SDE2: variants seen among roughly 807,000 people sequenced by gnomAD.
The protein encoded by SDE2 is splicing regulator SDE2.
In SDE2, 31 loss-of-function variants were observed where a neutral mutation model predicts 46.9. That is an observed-to-expected ratio of 0.66 (90% CI 0.50 to 0.89). SDE2 has a LOEUF of 0.89. SDE2 is among the 40% of genes least tolerant of loss of function. The pLI, the probability that SDE2 is intolerant of heterozygous loss-of-function variation, is 0.00. For missense variants in SDE2, 542 were observed against 564.4 expected, an observed-to-expected ratio of 0.96 and a Z score of 0.40; for synonymous variants, 205 against 204.3, an observed-to-expected ratio of 1.00 and a Z score of -0.03.
At position 225,999,193 on chromosome 1, in the gene SDE2, C is replaced by T; in HGVS notation, c.120G>A (p.Gln40=). ...RDFIHRHCQD[Q]NVPVENFFVK... ...TCCTAACAGGAACCGAAATCCTCACCTGATCTTGGCAGTGCCGGTGGATAA... is the reference window on the plus strand; with the variant it reads ...TCCTAACAGGAACCGAAATCCTCACTTGATCTTGGCAGTGCCGGTGGATAA... Residue 40 remains glutamine, a splice_region_variant and synonymous_variant, in exon 1 of 7, where the codon CAG becomes CAA. Transcript: ENST00000272091. 1 of 1,610,830 alleles carries T rather than the reference C, an allele frequency of 6.2e-7. No homozygotes were observed. The highest frequency in any genetic ancestry group is 8.5e-7 in the Non-Finnish European group (1 of 1,177,714).
rs558749749 is a variant in SDE2 at position 225,991,268 on chromosome 1, T to C, written c.616A>G (p.Ser206Gly). ...CAGAAGCATCTCCTCTTTCCCGCAC[T>C]GGCTCCTCTGTCTGTTTGAGATTTA... is the stretch of plus-strand genomic sequence containing the variant. ...PTKSQTDRGASAGKRRCFWLG... is the reference protein window; with the variant it reads ...PTKSQTDRGAGAGKRRCFWLG... Residue 206 changes from serine to glycine, a missense_variant, in exon 5 of 7, where the codon AGT (serine) becomes GGT (glycine). Coordinates refer to ENST00000272091, the MANE Select transcript of SDE2 (RefSeq NM_152608.4). 6.2e-7 allele frequency: 1 copy of C among 1,613,952 alleles called. No individual in the cohort carries two copies. Among genetic ancestry groups the C allele is most frequent in the African/African-American group, 1.3e-5 (1 of 75,062 alleles).
chr1:225,986,248 A>C (rs1388037749), intron 6 of SDE2, among the ~76,000 whole-genome samples: 1 of 151,872 alleles, frequency 6.6e-6, no homozygotes, highest in Non-Finnish European at 1.5e-5. Context: ...TGGGAGACTG[A>C]GGCAGGAGAA....
chr1:225,987,130 C>T (rs1442063252), intron 6 of SDE2, among the ~76,000 whole-genome samples: 1 of 152,226 alleles, frequency 6.6e-6, no homozygotes, highest in Non-Finnish European at 1.5e-5. Context: ...GCAACCTCCA[C>T]CTCCCAGGGC....
chr1:225,998,781 C>G (rs959390455), intron 1 of SDE2, among the ~76,000 whole-genome samples: 9 of 152,150 alleles, frequency 5.9e-5, no homozygotes, highest in Non-Finnish European at 1.0e-4. Context: ...ACATACTTCT[C>G]TAGGCTGGGG....
rs1315524755 is a variant in SDE2, at chr1:225,983,762, G to C, written c.*1540C>G. The C allele has an allele frequency of 1.3e-5, 2 of 151,820 alleles. No individual in the cohort carries two copies. The highest frequency in any genetic ancestry group is 2.9e-5 in the Non-Finnish European group (2 of 67,982). The allele number at this position is 151,820 out of a possible 1,614,324, so 9.4% of individuals were successfully genotyped here. On this transcript the variant is annotated 3_prime_UTR_variant, in exon 7 of 7. Transcript: ENST00000272091. The stretch of plus-strand genomic sequence containing the variant: ...CACTCACCATGACAGACAACATATT[G>C]GGTCATAAAACGAGTCTCAATAAAA...
intron 6 of SDE2, among the ~76,000 whole-genome samples, chr1:225,986,321 T>A (rs564807554): frequency 1.3e-5 from 2 of 148,298 alleles, no homozygotes; most frequent in South Asian, 2.1e-4. Context: ...AGCAACAGAG[T>A]GAGACTCTGT....
intron 2 of SDE2, among the ~76,000 whole-genome samples, chr1:225,993,473 G>A (rs542295128): frequency 4.6e-5 from 7 of 152,090 alleles, no homozygotes; most frequent in Admixed American, 6.6e-5. Context: ...TTAGCCAGGC[G>A]TGGTGGCGGG....
At chr1:225,990,788 G>C (rs1656381262) in intron 5 of SDE2, among the ~76,000 whole-genome samples, 1 of 152,178 alleles carries the variant, frequency 6.6e-6, no homozygotes, top group Non-Finnish European at 1.5e-5. Context: ...AGGGACAAGA[G>C]AACTATCAGA....
In SDE2 at chr1:225,984,861, C is replaced by T. The variant is rs184242613; in HGVS notation, c.*441G>A. The T allele has an allele frequency of 6.2e-6, 1 of 161,122 alleles. No homozygotes were observed. Among genetic ancestry groups the T allele is most frequent in the Non-Finnish European group, 1.4e-5 (1 of 73,726 alleles). The allele number at this position is 161,122 out of a possible 1,614,324, so 10.0% of individuals were successfully genotyped here. On this transcript the variant is annotated 3_prime_UTR_variant, in exon 7 of 7. Coordinates refer to ENST00000272091, the MANE Select transcript of SDE2 (RefSeq NM_152608.4). ...GATCAGTAAAACTGATAAACCCCTACCCAACCTGATTAGGAAAGTGAGAAC... is the reference window on the plus strand; with the variant it reads ...GATCAGTAAAACTGATAAACCCCTATCCAACCTGATTAGGAAAGTGAGAAC...
intron 1 of SDE2, 94 bp downstream of exon 1, chr1:225,999,099 T>G: frequency 9.9e-7 from 1 of 1,011,644 alleles, no homozygotes. Context: ...CCCCAGAGAA[T>G]AAACGTACCC....
In SDE2 at chr1:225,984,361, T is replaced by C. The variant is rs1239884485; in HGVS notation, c.*941A>G. 1 of 152,120 alleles carries C rather than the reference T, an allele frequency of 6.6e-6. No homozygotes were observed. The highest frequency in any genetic ancestry group is 1.5e-5 in the Non-Finnish European group (1 of 68,022). 9.4% of individuals were successfully genotyped at this position (152,120 alleles called of 1,614,324 possible). ...GAAAATGTATAGCTTTAAATATGTA[T>C]TTTAAATAACGTCTAAGATCAATGA... On this transcript the variant is annotated 3_prime_UTR_variant, in exon 7 of 7. Transcript: ENST00000272091.
Position 225,993,011 on chromosome 1 carries a change from A to G in SDE2, c.239-9T>C, listed in dbSNP as rs546476642. 2 of 1,499,834 alleles carry G rather than the reference A, an allele frequency of 1.3e-6. No homozygotes were observed. Among genetic ancestry groups the G allele is most frequent in the African/African-American group, 1.4e-5 (1 of 72,684 alleles). The allele number at this position is 1,499,834 out of a possible 1,614,324, so 92.9% of individuals were successfully genotyped here. Reference sequence around the variant, plus strand: ...GAGCATAGATCCAAAACCTGAGCAGATGTATTTGGAGAAAGCAGGTTAAAA... The same window carrying G: ...GAGCATAGATCCAAAACCTGAGCAGGTGTATTTGGAGAAAGCAGGTTAAAA... On this transcript the variant is annotated splice_polypyrimidine_tract_variant and intron_variant, in intron 2 of 6. Transcript: ENST00000272091.
chr1:225,995,256 C>T lies in SDE2; in HGVS notation c.238+10G>A, dbSNP rs533939151. The stretch of plus-strand genomic sequence containing the variant: ...GTGTTACAACTAAGTAGTCAATGTT[C>T]AGGTCCTACCTCCTTTTCCACCGCA... On this transcript the variant is annotated intron_variant, in intron 2 of 6. Transcript: ENST00000272091. 2.2e-6 allele frequency: 3 copies of T among 1,368,732 alleles called. No homozygotes were observed. Among genetic ancestry groups the T allele is most frequent in the East Asian group, 4.6e-5 (2 of 43,660 alleles). 84.8% of individuals were successfully genotyped at this position (1,368,732 alleles called of 1,614,324 possible).
At chr1:225,987,723 G>C (rs1656297132) in intron 6 of SDE2, among the ~76,000 whole-genome samples, 173 bp downstream of exon 6, 4 of 152,158 alleles carry the variant, frequency 2.6e-5, no homozygotes, top group African/African-American at 9.6e-5. Context: ...ATAAATGCCA[G>C]AACTTAAAAA....
intron 1 of SDE2, among the ~76,000 whole-genome samples, chr1:225,998,149 A>T (rs1197662533): frequency 6.6e-6 from 1 of 152,210 alleles, no homozygotes; most frequent in African/African-American, 2.4e-5. Flanking sequence ...GGGGGAGAAA[A>T]GAACACTGTA....
chr1:225,990,260 A>C (rs1475655500), intron 5 of SDE2, among the ~76,000 whole-genome samples: 2 of 152,332 alleles, frequency 1.3e-5, no homozygotes, highest in East Asian at 3.9e-4. Context: ...CCATGGATGA[A>C]TCTCTAAAGC....
chr1:225,995,438 T>C, intron 1 of SDE2, 55 bp from the exon 2 acceptor site: 5 of 903,064 alleles, frequency 5.5e-6, no homozygotes, highest in Non-Finnish European at 9.3e-6. Flanking sequence ...TCTAAGTTTG[T>C]TACAAGAAGG....
chr1:225,991,342 T>G lies in SDE2; in HGVS notation c.542A>C (p.Lys181Thr), dbSNP rs766451304. 5 of 1,613,756 alleles carry G rather than the reference T, an allele frequency of 3.1e-6. No individual in the cohort carries two copies. The African/African-American group carries it at 6.7e-5, about 22-fold the overall frequency. Residue 181 changes from lysine to threonine, a missense_variant, in exon 5 of 7, where the codon AAG (lysine) becomes ACG (threonine). Lys to Thr is a moderately conservative substitution (Grantham distance 78). Transcript: ENST00000272091. ...VLKGMQAASS[K>T]MVSAEISENR... ...CTCACTGATTTCTGCTGAAACCATC[T>G]TGCTGGAGGCAGCCTGCATACCTAA...
At chr1:225,997,440 T>C (rs899665026) in intron 1 of SDE2, among the ~76,000 whole-genome samples, 4 of 152,198 alleles carry the variant, frequency 2.6e-5, no homozygotes, top group South Asian at 2.1e-4. Context: ...TCTTTATATA[T>C]ACTTTTTCAG....
Sources: gnomAD v4.1 joint callset for allele counts (sites outside exome capture counted in the v4.1 genomes callset) on GRCh38, gnomAD v4.1.1 for gene constraint, MANE v1.5 for transcripts, NCBI Gene and HGNC (gene_info 2026-07-23, HGNC 2026-07-21) for gene names.